The following MED13L variants were observed in gnomAD, a reference collection of about 807,000 sequenced individuals.
The protein encoded by MED13L is mediator complex subunit 13L.
A neutral mutation model predicts 220.9 loss-of-function variants in MED13L; 7 were observed. That is an observed-to-expected ratio of 0.03 (90% confidence interval 0.02 to 0.06). The LOEUF (loss-of-function observed/expected upper bound fraction) is 0.06, where lower values mean the gene tolerates loss of function less well. MED13L is among the 10% of genes least tolerant of loss of function. The pLI is 1.00. For missense variants in MED13L, 1,965 were observed against 2,760.5 expected (o/e 0.71, Z 6.46); for synonymous variants, 1,011 against 1,015.2 (o/e 1.00, Z 0.08).
chr12:116,197,513 TC>T (rs1346948795), intron 2 of MED13L, among the ~76,000 whole-genome samples: 4 of 152,146 alleles, frequency 2.6e-5, no homozygotes, highest in South Asian at 4.1e-4. Flanking sequence ...ACCCCTGTAA[TC>T]CCAGCATTTT....
At chr12:116,125,260 G>A (rs887617097) in intron 2 of MED13L, among the ~76,000 whole-genome samples, 4 of 152,172 alleles carry the variant, frequency 2.6e-5, no homozygotes, top group Non-Finnish European at 4.4e-5. Flanking sequence ...ACATGAGCCC[G>A]GAAATTCAAG....
At chr12:116,178,945 G>C (rs2138213147) in intron 2 of MED13L, among the ~76,000 whole-genome samples, 1 of 152,298 alleles carries the variant, frequency 6.6e-6, no homozygotes, top group South Asian at 2.1e-4. Flanking sequence ...AAGTGTATTA[G>C]AATGAATTTG....
intron 1 of MED13L, among the ~76,000 whole-genome samples, chr12:116,265,693 C>A (rs193109595): frequency 6.6e-6 from 1 of 152,164 alleles, no homozygotes; most frequent in East Asian, 1.9e-4. Flanking sequence ...ATTGGCCTGC[C>A]CACACTTCAA....
Position 116,063,961 on chromosome 12 carries a change from T to C in MED13L, c.479+32708A>G, listed in dbSNP as rs565890937. ...ACTTTGAGATGGTGAGGTGGCCGGA[T>C]TGCTTGACTCTAGGAGTTGGAGACC... On this transcript the variant is annotated intron_variant, in intron 4 of 30. Transcript: ENST00000281928. Among the ~76,000 whole-genome samples the C allele has an allele frequency of 7.9e-5, 12 of 152,168 alleles. No individual in the cohort carries two copies. The East Asian group carries it at 9.7e-4, about 12-fold the overall frequency.
chr12:116,206,894 C>A (rs1882368593), intron 2 of MED13L, among the ~76,000 whole-genome samples: 1 of 151,498 alleles, frequency 6.6e-6, no homozygotes, highest in Non-Finnish European at 1.5e-5. Flanking sequence ...TTTATATATC[C>A]CCCCCAAAAC....
intron 2 of MED13L, among the ~76,000 whole-genome samples, chr12:116,210,950 T>G (rs939627320): frequency 2.6e-5 from 4 of 152,024 alleles, no homozygotes; most frequent in African/African-American, 9.7e-5. Context: ...TTGAAAAGCC[T>G]GCAAAAAGGA....
chr12:116,138,746 G>T (rs2138038110), intron 2 of MED13L, among the ~76,000 whole-genome samples: 1 of 152,352 alleles, frequency 6.6e-6, no homozygotes, highest in Non-Finnish European at 1.5e-5. Context: ...ACAGTGAAAT[G>T]TGTGAACACT....
chr12:116,137,838 T>C (rs1331141096), intron 2 of MED13L, among the ~76,000 whole-genome samples: 1 of 151,016 alleles, frequency 6.6e-6, no homozygotes, highest in African/African-American at 2.4e-5. Flanking sequence ...CTTTTATACC[T>C]TTATAATGAG....
intron 23 of MED13L, 103 bp from the exon 24 acceptor site, chr12:115,975,841 G>A (rs1468843380): frequency 8.4e-6 from 9 of 1,073,966 alleles, no homozygotes; most frequent in Middle Eastern, 2.9e-4. Flanking sequence ...AGTAATGGTA[G>A]TAAATCGTTT....
chr12:116,020,921 C>G (rs770612016), intron 5 of MED13L, among the ~76,000 whole-genome samples: 1 of 152,030 alleles, frequency 6.6e-6, no homozygotes, highest in Non-Finnish European at 1.5e-5. Context: ...TCACATCAAT[C>G]AAGAGAGAGA....
chr12:116,180,670 C>T lies in MED13L; in HGVS notation c.310+56798G>A, dbSNP rs1880455377. ...CCTCCAGATCTACACGAGATCCCGCCCTCCTCAACTACTAAAAGACACAGT... is the reference window on the plus strand; with the variant it reads ...CCTCCAGATCTACACGAGATCCCGCTCTCCTCAACTACTAAAAGACACAGT... On this transcript the variant is annotated intron_variant, in intron 2 of 30. Transcript: ENST00000281928. 2.0e-5 allele frequency among the ~76,000 whole-genome samples: 3 copies of T among 152,134 alleles called. No individual in the cohort carries two copies. In the South Asian group the frequency reaches 6.2e-4, roughly 31 times the overall value.
chr12:116,258,839 A>G (rs1872272685), intron 1 of MED13L, among the ~76,000 whole-genome samples: 1 of 151,844 alleles, frequency 6.6e-6, no homozygotes, highest in South Asian at 2.1e-4. Flanking sequence ...CTCACAGAAG[A>G]AATCTGGATA....
intron 4 of MED13L, among the ~76,000 whole-genome samples, chr12:116,049,599 T>C (rs1262020989): frequency 2.0e-5 from 3 of 152,238 alleles, no homozygotes; most frequent in Non-Finnish European, 2.9e-5. Context: ...TTTACACTTC[T>C]GAAGAAATGC....
chr12:115,982,983 CTTTCT>C, intron 21 of MED13L, 129 bp downstream of exon 21: 1 of 971,338 alleles, frequency 1.0e-6, no homozygotes, highest in Non-Finnish European at 1.5e-6. Context: ...ACCATTGCCC[CTTTCT>C]TTTGAGAAGA....
intron 2 of MED13L, among the ~76,000 whole-genome samples, chr12:116,218,215 C>T (rs997679802): frequency 7.9e-5 from 12 of 152,130 alleles, no homozygotes; most frequent in African/African-American, 2.9e-4. Context: ...ATACTTTCTG[C>T]AAAAGCCAAA....
intron 4 of MED13L, among the ~76,000 whole-genome samples, chr12:116,084,185 C>T (rs1463687096): frequency 6.6e-6 from 1 of 152,166 alleles, no homozygotes; most frequent in African/African-American, 2.4e-5. Flanking sequence ...ATTTTTAGCA[C>T]CACGTGTTTC....
intron 2 of MED13L, among the ~76,000 whole-genome samples, chr12:116,123,104 T>C (rs1177401625): frequency 6.6e-6 from 1 of 152,314 alleles, no homozygotes; most frequent in Non-Finnish European, 1.5e-5. Context: ...GCTCTTAATA[T>C]GCTCTAGAAT....
intron 5 of MED13L, 58 bp from the exon 6 acceptor site, chr12:116,020,030 G>A: frequency 6.9e-7 from 1 of 1,442,666 alleles, no homozygotes; most frequent in Non-Finnish European, 9.7e-7. Context: ...CTACTTAAGT[G>A]CAACACTACA....
chr12:116,135,990 G>A (rs1470480171), intron 2 of MED13L, among the ~76,000 whole-genome samples: 2 of 148,706 alleles, frequency 1.3e-5, no homozygotes, highest in Non-Finnish European at 3.0e-5. Context: ...TGCAACCTCC[G>A]CCTCCTGGGT....
Sources: allele counts gnomAD v4.1 joint callset (sites outside exome capture counted in the v4.1 genomes callset), GRCh38; gene constraint gnomAD v4.1.1; transcripts MANE v1.5; gene names NCBI Gene and HGNC (gene_info 2026-07-23, HGNC 2026-07-21).